COG5: variants seen among roughly 807,000 people sequenced by gnomAD.
The protein encoded by COG5 is component of oligomeric golgi complex 5, also known as conserved oligomeric Golgi complex subunit 5.
A neutral mutation model predicts 110.4 loss-of-function variants in COG5; 86 were observed. That is an observed-to-expected ratio of 0.78 (90% CI 0.65 to 0.93). The LOEUF is 0.93. Among genes scored for constraint, COG5 ranks in the 40% least tolerant of loss-of-function variants. The pLI is 0.00. For synonymous variants in COG5, 360 were observed against 334.6 expected (o/e 1.08, Z -0.83); for missense variants, 1,077 against 987.0 (o/e 1.09, Z -1.22).
chr7:107,513,425 T>C (rs991459739), intron 6 of COG5, among the ~76,000 whole-genome samples: 3 of 152,142 alleles, frequency 2.0e-5, no homozygotes, highest in East Asian at 1.9e-4. Flanking sequence ...TGTGGAGAAA[T>C]AGCAACACTT....
chr7:107,554,541 A>G (rs1309625892), intron 2 of COG5, among the ~76,000 whole-genome samples, 199 bp from the exon 3 acceptor site: 2 of 152,224 alleles, frequency 1.3e-5, no homozygotes, highest in Non-Finnish European at 2.9e-5. Flanking sequence ...ACACAGAGCA[A>G]GAGGAGTTAC....
intron 14 of COG5, among the ~76,000 whole-genome samples, chr7:107,277,750 A>C (rs1219875531): frequency 6.6e-6 from 1 of 152,194 alleles, no homozygotes; most frequent in African/African-American, 2.4e-5. Flanking sequence ...CTCACTCTTA[A>C]AAATAAATTC....
At chr7:107,363,194 A>G (rs1039769158) in intron 8 of COG5, among the ~76,000 whole-genome samples, 1 of 152,226 alleles carries the variant, frequency 6.6e-6, no homozygotes, top group Non-Finnish European at 1.5e-5. Flanking sequence ...CCTCAATAGT[A>G]ATAAGTATAT....
At chr7:107,379,869 G>A (rs545662249) in intron 7 of COG5, among the ~76,000 whole-genome samples, 9 of 152,080 alleles carry the variant, frequency 5.9e-5, no homozygotes, top group Non-Finnish European at 1.2e-4. Flanking sequence ...TGAGATCAAC[G>A]AGACAGAAAA....
intron 7 of COG5, among the ~76,000 whole-genome samples, chr7:107,401,669 T>C (rs1288683688): frequency 1.3e-5 from 2 of 152,124 alleles, no homozygotes; most frequent in Non-Finnish European, 2.9e-5. Flanking sequence ...CTCTAGTTAG[T>C]GGTAAAAACA....
chr7:107,464,061 C>T (rs1209769220), intron 6 of COG5, among the ~76,000 whole-genome samples: 1 of 152,064 alleles, frequency 6.6e-6, no homozygotes, highest in Admixed American at 6.5e-5. Flanking sequence ...CCATATTTGG[C>T]TTTTATCTTA....
intron 7 of COG5, among the ~76,000 whole-genome samples, chr7:107,398,794 C>T (rs1791209021): frequency 6.6e-6 from 1 of 151,994 alleles, no homozygotes; most frequent in Admixed American, 6.6e-5. Flanking sequence ...TTAGTAATTG[C>T]CTGGGTTTGG....
intron 16 of COG5, among the ~76,000 whole-genome samples, chr7:107,251,023 GATTC>G (rs1344351989): frequency 6.7e-6 from 1 of 148,810 alleles, no homozygotes; most frequent in African/African-American, 2.5e-5. Context: ...TGAATTTACA[GATTC>G]AGGAAAATCA....
chr7:107,470,498 G>A (rs1188381456), intron 6 of COG5: 1 of 151,816 alleles, frequency 6.6e-6, no homozygotes, highest in African/African-American at 2.4e-5. Context: ...GGCATAGTGG[G>A]GTAAAAATTA....
intron 6 of COG5, among the ~76,000 whole-genome samples, chr7:107,525,354 T>A (rs1800654307): frequency 6.6e-6 from 1 of 152,166 alleles, no homozygotes; most frequent in African/African-American, 2.4e-5. Context: ...GGAAAGTCAG[T>A]GATGACAAAC....
At chr7:107,456,498 A>C (rs914102264) in intron 6 of COG5, among the ~76,000 whole-genome samples, 5 of 152,206 alleles carry the variant, frequency 3.3e-5, no homozygotes, top group Admixed American at 6.5e-5. Context: ...GGCTAAATAT[A>C]CTTTCCCCTA....
chr7:107,224,549 C>T (rs1335522051), intron 19 of COG5, among the ~76,000 whole-genome samples: 3 of 152,182 alleles, frequency 2.0e-5, no homozygotes, highest in Admixed American at 6.5e-5. Context: ...CCTTCAGGAG[C>T]AAAGGTGGTG....
Position 107,309,348 on chromosome 7 carries a change from C to T in COG5, c.1109-11002G>A, listed in dbSNP as rs1584657323. On this transcript the variant is annotated intron_variant, in intron 11 of 21. Coordinates refer to ENST00000297135, the MANE Select transcript of COG5 (RefSeq NM_006348.5). ...TTTTGATTTTTACAGTTCGTTTTCT[C>T]TTCAGAGTTCCTTCAAATTAATAAA... Among the ~76,000 whole-genome samples the T allele has an allele frequency of 2.0e-5, 3 of 152,218 alleles. No homozygotes were observed. The South Asian group carries it at 6.2e-4, about 32-fold the overall frequency.
chr7:107,468,143 A>G (rs1796413099), intron 6 of COG5, among the ~76,000 whole-genome samples: 1 of 152,170 alleles, frequency 6.6e-6, no homozygotes, highest in Non-Finnish European at 1.5e-5. Context: ...TAATTTTCCA[A>G]AGAGAGAAGG....
intron 19 of COG5, among the ~76,000 whole-genome samples, chr7:107,213,353 C>T (rs1015018282): frequency 3.3e-5 from 5 of 152,130 alleles, no homozygotes; most frequent in South Asian, 2.1e-4. Context: ...CAAACAGCAG[C>T]GCCAAACAGT....
At chr7:107,499,408 A>AT (rs35466632) in intron 6 of COG5, among the ~76,000 whole-genome samples, 47,396 of 145,716 alleles carry the variant, frequency 0.33, 7,686 homozygotes, top group African/African-American at 0.4. Context: ...AGAGGAGTAA[A>AT]TTTTTTTTTT....
At chr7:107,367,797 G>C (rs1203145535) in intron 8 of COG5, among the ~76,000 whole-genome samples, 1 of 151,962 alleles carries the variant, frequency 6.6e-6, no homozygotes, top group Non-Finnish European at 1.5e-5. Flanking sequence ...GAGTAGGAGG[G>C]ATGTGAGGGC....
rs1796869865 is a variant in COG5, at chr7:107,474,806, G to A, written c.538+52431C>T. 1 of 1,612,482 alleles carries A rather than the reference G, an allele frequency of 6.2e-7. No homozygotes were observed. Among genetic ancestry groups the A allele is most frequent in the Admixed American group, 1.7e-5 (1 of 59,732 alleles). ...CGAATAGGCACAAGATTTTCAACAG[G>A]GCAGAAGAAGAAAGCAAGAAAGAAA... On this transcript the variant is annotated intron_variant, in intron 6 of 21. Coordinates refer to ENST00000297135, the MANE Select transcript of COG5 (RefSeq NM_006348.5). This position sits in a 1 kb window ranked among gnomAD's most constrained non-coding sequence, Gnocchi z 5.7.
chr7:107,289,803 T>C (rs1002068451), intron 12 of COG5, among the ~76,000 whole-genome samples: 9 of 152,250 alleles, frequency 5.9e-5, no homozygotes, highest in African/African-American at 9.6e-5. Context: ...CAATGAATTG[T>C]TATAATTACT....
Sources: gnomAD v4.1 joint callset for allele counts (sites outside exome capture counted in the v4.1 genomes callset) on GRCh38, gnomAD v4.1.1 for gene constraint, Gnocchi (gnomAD v3.1) non-coding constraint, MANE v1.5 for transcripts, NCBI Gene and HGNC (gene_info 2026-07-23, HGNC 2026-07-21) for gene names.